Variants in SUMF1 observed in about 807,000 individuals in gnomAD.
SUMF1 encodes formylglycine-generating enzyme.
In SUMF1, 48 loss-of-function variants were observed where a neutral mutation model predicts 47.6. The ratio of observed to expected loss-of-function variants is 1.01; its 90% CI spans 0.80 to 1.28. The LOEUF is 1.28. Ranked by LOEUF, SUMF1 falls within the 50% of genes most tolerant of loss-of-function variation. The pLI, the probability that SUMF1 is intolerant of heterozygous loss-of-function variation, is 0.00. For missense variants in SUMF1, 571 were observed against 485.4 expected, an observed-to-expected ratio of 1.18 and a Z score of -1.66; for synonymous variants, 230 against 192.1, an observed-to-expected ratio of 1.20 and a Z score of -1.63.
Position 4,410,941 on chromosome 3 carries a change from T to C in SUMF1, c.878A>G (p.Asn293Ser). Residue 293 changes from asparagine (N) to serine (S), a missense_variant, in exon 7 of 9, where the codon AAC becomes AGC. By Grantham distance (46) the Asn-to-Ser change is conservative (BLOSUM62 1). Transcript: ENST00000272902. ...AFPPNGYGLY[N>S]IVGNAWEWTS... ...CCATTCCCATGCGTTCCCCACTATG[T>C]TGTATAAGCCATAACCATTGGGAGG... 1.2e-6 allele frequency: 2 copies of C among 1,614,120 alleles called. No individual in the cohort carries two copies. The highest frequency in any genetic ancestry group is 1.7e-6 in the Non-Finnish European group (2 of 1,179,950).
At chr3:4,138,293 G>A (rs1347544544) in intron 8 of SUMF1, among the ~76,000 whole-genome samples, 1 of 152,120 alleles carries the variant, frequency 6.6e-6, no homozygotes, top group African/African-American at 2.4e-5. Context: ...CTCAGAAAGA[G>A]GACTGACCTT....
chr3:4,370,637 C>T (rs559652897), intron 8 of SUMF1, among the ~76,000 whole-genome samples: 2 of 152,244 alleles, frequency 1.3e-5, no homozygotes, highest in South Asian at 2.1e-4. Context: ...AAGACATATA[C>T]AAGAGATTAT....
chr3:4,387,294 T>A (rs574444124), intron 7 of SUMF1, among the ~76,000 whole-genome samples: 2 of 152,176 alleles, frequency 1.3e-5, no homozygotes, highest in South Asian at 4.1e-4. Context: ...ACTATTCAAA[T>A]TATCTATTTC....
intron 8 of SUMF1, among the ~76,000 whole-genome samples, chr3:4,273,797 G>GGA (rs1697357301): frequency 1.0e-5 from 1 of 98,582 alleles, no homozygotes; most frequent in African/African-American, 4.0e-5. Context: ...GGGAGGGGAG[G>GGA]GCATGGGAGG....
rs530102424 is a variant in SUMF1, at chr3:4,153,175, G to A, written c.1015-84430C>T. Among the ~76,000 whole-genome samples the A allele has an allele frequency of 4.1e-4, 62 of 151,484 alleles. No individual in the cohort carries two copies. The South Asian group carries it at 0.013, about 32-fold the overall frequency. On this transcript the variant is annotated intron_variant and NMD_transcript_variant, in intron 8 of 12. Coordinates refer to the SUMF1 transcript ENST00000448413. ...CATACAATAAAATTTTTAAAAAATT[G>A]AGCAGAAACATATATTTGATCAATT...
chr3:4,242,527 T>A (rs986258547), intron 8 of SUMF1, among the ~76,000 whole-genome samples: 6 of 152,240 alleles, frequency 3.9e-5, no homozygotes, highest in Admixed American at 3.9e-4. Context: ...TCTATTGAGA[T>A]AATCATGTGG....
At chr3:4,056,724 C>T (rs1323218473) in intron 9 of SUMF1, among the ~76,000 whole-genome samples, 3 of 152,032 alleles carry the variant, frequency 2.0e-5, no homozygotes, top group African/African-American at 7.2e-5. Flanking sequence ...TTCTTTCTTA[C>T]TATGTGATCC....
intron 8 of SUMF1, among the ~76,000 whole-genome samples, chr3:4,300,449 A>G (rs1212657281): frequency 6.6e-6 from 1 of 152,226 alleles, no homozygotes; most frequent in African/African-American, 2.4e-5. Flanking sequence ...GTGTACTCAA[A>G]AAAGTTTTTA....
chr3:4,288,094 G>A (rs1422642774), intron 8 of SUMF1, among the ~76,000 whole-genome samples: 1 of 152,056 alleles, frequency 6.6e-6, no homozygotes, highest in Non-Finnish European at 1.5e-5. Context: ...CTGCAATCTA[G>A]GTCTATGACC....
intron 8 of SUMF1, among the ~76,000 whole-genome samples, chr3:4,100,341 C>A (rs189576236): frequency 6.6e-6 from 1 of 151,872 alleles, no homozygotes; most frequent in Non-Finnish European, 1.5e-5. Context: ...TAAAAACAGA[C>A]ACATCAACCA....
chr3:4,381,166 AAC>A (rs1700491794), intron 7 of SUMF1, among the ~76,000 whole-genome samples: 1 of 152,326 alleles, frequency 6.6e-6, no homozygotes, highest in South Asian at 2.1e-4. Context: ...TCACTCAGCA[AAC>A]AGTCAAAAGG....
chr3:4,211,215 T>TAC (rs1695785873), intron 8 of SUMF1, among the ~76,000 whole-genome samples: 1 of 137,598 alleles, frequency 7.3e-6, no homozygotes, highest in Non-Finnish European at 1.6e-5. Flanking sequence ...TATATATATA[T>TAC]ATATATATAT....
intron 8 of SUMF1, chr3:4,303,297 C>G: frequency 7.1e-7 from 1 of 1,405,990 alleles, no homozygotes; most frequent in Non-Finnish European, 9.3e-7. Flanking sequence ...GGTGGGGCCA[C>G]GGGACCACAA....
At chr3:4,144,998 G>C (rs1244579814) in intron 8 of SUMF1, among the ~76,000 whole-genome samples, 1 of 151,944 alleles carries the variant, frequency 6.6e-6, no homozygotes, top group African/African-American at 2.4e-5. Flanking sequence ...AGCAGATTGA[G>C]ACCATCCTGG....
chr3:4,134,060 G>A (rs556630419), intron 8 of SUMF1, among the ~76,000 whole-genome samples: 78 of 152,154 alleles, frequency 5.1e-4, no homozygotes, highest in Middle Eastern at 3.4e-3. Flanking sequence ...ACAGATCAAC[G>A]AGACAGAAAG....
At chr3:4,253,979 G>A (rs542843486) in intron 8 of SUMF1, among the ~76,000 whole-genome samples, 2 of 150,786 alleles carry the variant, frequency 1.3e-5, no homozygotes, top group Admixed American at 6.6e-5. Context: ...AGCCTAACTG[G>A]GAGGCACCCC....
chr3:4,339,037 A>T (rs1404971794), intron 8 of SUMF1, among the ~76,000 whole-genome samples: 2 of 151,972 alleles, frequency 1.3e-5, no homozygotes, highest in African/African-American at 4.8e-5. Context: ...CCAAGTTCAA[A>T]CTCTTTATTT....
intron 8 of SUMF1, among the ~76,000 whole-genome samples, chr3:4,319,912 A>G (rs952752266): frequency 1.3e-5 from 2 of 152,208 alleles, no homozygotes; most frequent in African/African-American, 4.8e-5. Flanking sequence ...AACAGGCTGC[A>G]TACTATATGA....
chr3:4,342,861 G>T (rs780173119), intron 8 of SUMF1, among the ~76,000 whole-genome samples: 1 of 152,192 alleles, frequency 6.6e-6, no homozygotes, highest in African/African-American at 2.4e-5. Flanking sequence ...AAAGTCTCCA[G>T]GCAGAATTTT....
Sources: gnomAD v4.1 joint callset for allele counts (sites outside exome capture counted in the v4.1 genomes callset) on GRCh38, gnomAD v4.1.1 for gene constraint, MANE v1.5 for transcripts, NCBI Gene and HGNC (gene_info 2026-07-23, HGNC 2026-07-21) for gene names.